The following CNST variants were observed in gnomAD, a reference collection of about 807,000 sequenced individuals.
The protein encoded by CNST is consortin.
CNST carries 39 observed loss-of-function variants against 72.4 expected under a neutral mutation model. The ratio of observed to expected loss-of-function variants is 0.54; its 90% CI spans 0.42 to 0.70. The LOEUF is 0.70. Ranked by LOEUF, CNST falls within the 30% of genes least tolerant of loss-of-function variation. The pLI is 0.00. For missense variants in CNST, 871 were observed against 868.5 expected (o/e 1.00, Z -0.04); for synonymous variants, 332 against 320.1 (o/e 1.04, Z -0.40).
At chr1:246,660,481 T>C (rs1667036407) in intron 10 of CNST, 147 bp downstream of exon 10, 2 of 751,798 alleles carry the variant, frequency 2.7e-6, no homozygotes, top group South Asian at 3.9e-5. Context: ...ATCCCAGCAC[T>C]TTAGGAGGCT....
intron 1 of CNST, chr1:246,569,919 A>C: frequency 1.0e-6 from 1 of 983,320 alleles, no homozygotes; most frequent in Non-Finnish European, 1.2e-6. Flanking sequence ...GAGGACCTTC[A>C]AGAAGATTGA....
At chr1:246,643,838 A>G (rs1264216623) in intron 8 of CNST, among the ~76,000 whole-genome samples, 1 of 152,182 alleles carries the variant, frequency 6.6e-6, no homozygotes, top group Non-Finnish European at 1.5e-5. Context: ...CTTTTCCAAA[A>G]TTATGGTGGA....
chr1:246,643,345 A>C (rs563653063), intron 8 of CNST, among the ~76,000 whole-genome samples: 1 of 152,332 alleles, frequency 6.6e-6, no homozygotes, highest in East Asian at 1.9e-4. Flanking sequence ...TAGAAATCAC[A>C]GTAAAATGAG....
chr1:246,617,953 A>C (rs1162803252), intron 2 of CNST, among the ~76,000 whole-genome samples: 1 of 152,250 alleles, frequency 6.6e-6, no homozygotes, highest in Non-Finnish European at 1.5e-5. Context: ...GCTCTTTGGT[A>C]GGGAGTATTG....
At chr1:246,572,581 G>A (rs2103000305) in intron 1 of CNST, among the ~76,000 whole-genome samples, 1 of 152,190 alleles carries the variant, frequency 6.6e-6, no homozygotes, top group South Asian at 2.1e-4. Context: ...GAACTCCTGG[G>A]CTCAAGTGAT....
intron 10 of CNST, among the ~76,000 whole-genome samples, chr1:246,663,932 G>A (rs554853115): frequency 4.6e-5 from 7 of 152,240 alleles, no homozygotes; most frequent in African/African-American, 1.7e-4. Flanking sequence ...TAGACTCTAA[G>A]ATGCTTTTGG....
At chr1:246,615,928 A>G (rs1287460494) in intron 2 of CNST, among the ~76,000 whole-genome samples, 2 of 152,064 alleles carry the variant, frequency 1.3e-5, no homozygotes, top group Non-Finnish European at 2.9e-5. Context: ...GTTACATGTA[A>G]ACTGTCATCT....
At chr1:246,595,215 T>C (rs1304358379) in intron 2 of CNST, among the ~76,000 whole-genome samples, 5 of 152,152 alleles carry the variant, frequency 3.3e-5, no homozygotes, top group African/African-American at 1.2e-4. Context: ...GAATTAATCC[T>C]TTCTAGATGT....
chr1:246,616,755 A>G (rs555367172), intron 2 of CNST, among the ~76,000 whole-genome samples: 16 of 151,144 alleles, frequency 1.1e-4, no homozygotes, highest in African/African-American at 3.4e-4. Flanking sequence ...GGGTTTTACA[A>G]TGTTGGCCAG....
chr1:246,634,670 T>C lies in CNST; in HGVS notation c.818+83T>C, dbSNP rs1022592828. 1.6e-5 allele frequency: 12 copies of C among 768,282 alleles called. No homozygotes were observed. In the African/African-American group the frequency reaches 1.9e-4, roughly 12 times the overall value. The allele number at this position is 768,282 out of a possible 1,614,324, so 47.6% of individuals were successfully genotyped here. On this transcript the variant is annotated intron_variant, in intron 6 of 10. Coordinates refer to ENST00000366513, the MANE Select transcript of CNST (RefSeq NM_152609.3). The stretch of plus-strand genomic sequence containing the variant: ...TAGCATTGAGTATCCATTTCTTTGT[T>C]TTATGTTTTCAACTGGAGAAATTAA...
Position 246,566,472 on chromosome 1 carries a change from A to C in CNST, c.-243A>C. The C allele has an allele frequency of 4.5e-6, 2 of 443,478 alleles. No homozygotes were observed. The highest frequency in any genetic ancestry group is 4.0e-6 in the Non-Finnish European group (1 of 249,496). 27.5% of individuals were successfully genotyped at this position (443,478 alleles called of 1,614,324 possible). On this transcript the variant is annotated 5_prime_UTR_variant, in exon 1 of 11. Coordinates refer to ENST00000366513, the MANE Select transcript of CNST (RefSeq NM_152609.3). ...CTATGCTCCGCGGTCGCGGGCCGCCAGCCTCCAGCCGGCCAGCCGCGAGGG... is the reference window on the plus strand; with the variant it reads ...CTATGCTCCGCGGTCGCGGGCCGCCCGCCTCCAGCCGGCCAGCCGCGAGGG...
At chr1:246,599,799 CT>C (rs1448175171) in intron 2 of CNST, among the ~76,000 whole-genome samples, 2 of 152,158 alleles carry the variant, frequency 1.3e-5, no homozygotes, top group African/African-American at 4.8e-5. Flanking sequence ...CAGAATAATT[CT>C]TCACTTTATA....
chr1:246,591,193 T>G (rs918105848), intron 1 of CNST, among the ~76,000 whole-genome samples: 4 of 152,216 alleles, frequency 2.6e-5, no homozygotes, highest in Admixed American at 2.6e-4. Context: ...CTGATGCACA[T>G]TAGACTTACC....
intron 8 of CNST, among the ~76,000 whole-genome samples, chr1:246,644,048 A>G (rs919758771): frequency 6.6e-6 from 1 of 152,068 alleles, no homozygotes; most frequent in African/African-American, 2.4e-5. Flanking sequence ...CCCATCTCCT[A>G]CTCATAGAAT....
intron 10 of CNST, 150 bp from the exon 11 acceptor site, chr1:246,665,550 T>A: frequency 1.5e-6 from 1 of 647,280 alleles, no homozygotes; most frequent in Admixed American, 2.8e-5. Context: ...CTTTGTAGAG[T>A]CATTAGCAGC....
At position 246,593,596 on chromosome 1, in the gene CNST, C is replaced by T. The variant is rs544711758; in HGVS notation, c.379+1655C>T. Among the ~76,000 whole-genome samples the T allele has an allele frequency of 1.3e-3, 202 of 152,286 alleles. 1 individual carries two copies. Among genetic ancestry groups the T allele is most frequent in the Non-Finnish European group, 2.6e-3 (177 of 68,018 alleles). The stretch of plus-strand genomic sequence containing the variant: ...TGACCTCGTGATCCGCCCACCTCTG[C>T]CTCCCAAAGTGCTGGGATTAAAGGC... On this transcript the variant is annotated intron_variant, in intron 2 of 10. Coordinates refer to ENST00000366513, the MANE Select transcript of CNST (RefSeq NM_152609.3).
chr1:246,652,743 G>A (rs952627011), intron 9 of CNST, among the ~76,000 whole-genome samples: 24 of 152,096 alleles, frequency 1.6e-4, no homozygotes, highest in East Asian at 3.9e-4. Flanking sequence ...AGTGGCTCAC[G>A]CCTGTAATCC....
chr1:246,634,165 T>TTGTAGTAGCCCGTAGGGGC (rs1664977488), intron 5 of CNST, 155 bp downstream of exon 5: 1 of 604,114 alleles, frequency 1.7e-6, no homozygotes, highest in Non-Finnish European at 2.9e-6. Context: ...TTACCACAAG[T>TTGTAGTAGCCCGTAGGGGC]CTATTATATT....
intron 5 of CNST, 121 bp from the exon 6 acceptor site, chr1:246,634,352 G>C (rs1448993932): frequency 1.6e-6 from 1 of 608,862 alleles, no homozygotes; most frequent in Non-Finnish European, 2.8e-6. Flanking sequence ...CTGTTGGGTT[G>C]TTTGAAAAGA....
Sources: gnomAD v4.1 joint callset for allele counts (sites outside exome capture counted in the v4.1 genomes callset) on GRCh38, gnomAD v4.1.1 for gene constraint, MANE v1.5 for transcripts, NCBI Gene and HGNC (gene_info 2026-07-23, HGNC 2026-07-21) for gene names.